The following RAB11FIP4 variants were observed in gnomAD, a reference collection of about 807,000 sequenced individuals.
RAB11FIP4 encodes rab11 family-interacting protein 4.
A neutral mutation model predicts 74.3 loss-of-function variants in RAB11FIP4; 23 were observed. The observed-to-expected ratio is 0.31, with a 90% CI of 0.22 to 0.44. The LOEUF (loss-of-function observed/expected upper bound fraction) is 0.44, where lower values mean the gene tolerates loss of function less well. Ranked by LOEUF, RAB11FIP4 falls within the 20% of genes least tolerant of loss-of-function variation. The pLI is 1.00. For missense variants in RAB11FIP4, 630 were observed against 863.9 expected, an observed-to-expected ratio of 0.73 and a Z score of 3.39; for synonymous variants, 360 against 359.9, an observed-to-expected ratio of 1.00 and a Z score of 0.00.
chr17:31,527,720 C>T (rs1401962428), intron 10 of RAB11FIP4, 122 bp from the exon 11 acceptor site: 2 of 664,584 alleles, frequency 3.0e-6, no homozygotes, highest in Non-Finnish European at 5.2e-6. Context: ...CATATTCTTT[C>T]TCTCAGTTGG....
Position 31,457,325 on chromosome 17 carries a change from C to T in RAB11FIP4, c.336+23203C>T, listed in dbSNP as rs117415743. 7.2e-5 allele frequency among the ~76,000 whole-genome samples: 11 copies of T among 152,136 alleles called. No individual in the cohort carries two copies. The East Asian group carries it at 2.1e-3, about 30-fold the overall frequency. Reference sequence around the variant, plus strand: ...TTTGTTCACTGACGTTGACTGAGGGCCTTTCCAGAGTCAGGAGCTGACCTC... The same window carrying T: ...TTTGTTCACTGACGTTGACTGAGGGTCTTTCCAGAGTCAGGAGCTGACCTC... On this transcript the variant is annotated intron_variant, in intron 3 of 14. Coordinates refer to ENST00000621161, the MANE Select transcript of RAB11FIP4 (RefSeq NM_032932.6).
At chr17:31,470,892 A>G (rs2071730168) in intron 3 of RAB11FIP4, among the ~76,000 whole-genome samples, 1 of 152,246 alleles carries the variant, frequency 6.6e-6, no homozygotes, top group Non-Finnish European at 1.5e-5. Context: ...GGGAGTCATT[A>G]TAGAGGAGAC....
chr17:31,483,090 G>T (rs777341806), intron 3 of RAB11FIP4, among the ~76,000 whole-genome samples: 3 of 151,038 alleles, frequency 2.0e-5, no homozygotes, highest in Non-Finnish European at 4.4e-5. Flanking sequence ...CTACTCAGGA[G>T]GCTGAGGCAG....
intron 3 of RAB11FIP4, among the ~76,000 whole-genome samples, chr17:31,459,016 G>A (rs1292806663): frequency 3.3e-5 from 5 of 152,174 alleles, no homozygotes; most frequent in African/African-American, 1.2e-4. Context: ...TATGGAAATT[G>A]TGCAGTACCC....
chr17:31,402,656 T>C (rs1002659184), intron 1 of RAB11FIP4, among the ~76,000 whole-genome samples: 10 of 149,194 alleles, frequency 6.7e-5, no homozygotes, highest in Middle Eastern at 3.4e-3. Context: ...GAGTCTTGCT[T>C]TGTCGCCCAG....
intron 3 of RAB11FIP4, among the ~76,000 whole-genome samples, chr17:31,444,315 T>C: frequency 6.6e-6 from 1 of 151,752 alleles, no homozygotes; most frequent in East Asian, 1.9e-4. Context: ...TTTCTACTTA[T>C]ATCTGGCCCC....
intron 1 of RAB11FIP4, among the ~76,000 whole-genome samples, chr17:31,410,592 T>C (rs1195956093): frequency 8.6e-5 from 13 of 151,898 alleles, no homozygotes; most frequent in Admixed American, 8.5e-4. Context: ...TGCGCACCTG[T>C]AGTCCCAGCA....
intron 1 of RAB11FIP4, among the ~76,000 whole-genome samples, chr17:31,418,765 G>A (rs1018018222): frequency 2.0e-5 from 3 of 151,914 alleles, no homozygotes; most frequent in Admixed American, 2.0e-4. Context: ...ACCGTGCCCA[G>A]CCAGTTCCCT....
At chr17:31,402,798 T>C (rs2071002316) in intron 1 of RAB11FIP4, among the ~76,000 whole-genome samples, 1 of 151,546 alleles carries the variant, frequency 6.6e-6, no homozygotes, top group Admixed American at 6.6e-5. Flanking sequence ...ATTTTTTTTT[T>C]GTATTTTTAG....
intron 1 of RAB11FIP4, among the ~76,000 whole-genome samples, chr17:31,423,166 G>A (rs574323198): frequency 7.2e-5 from 11 of 152,232 alleles, no homozygotes; most frequent in East Asian, 5.8e-4. Flanking sequence ...TGATCCGCCC[G>A]CCTCTGCCTC....
chr17:31,490,173 G>C (rs2142751164), intron 3 of RAB11FIP4, among the ~76,000 whole-genome samples: 1 of 152,232 alleles, frequency 6.6e-6, no homozygotes, highest in South Asian at 2.1e-4. Context: ...CCGACCATCT[G>C]TGCCACTTCT....
intron 3 of RAB11FIP4, among the ~76,000 whole-genome samples, chr17:31,462,916 G>A (rs146959797): frequency 0.02 from 2,969 of 152,196 alleles, 87 homozygotes; most frequent in African/African-American, 0.061. Flanking sequence ...CATTACAGGC[G>A]TGAGCCACCG....
intron 3 of RAB11FIP4, among the ~76,000 whole-genome samples, chr17:31,483,587 C>T (rs2071872135): frequency 6.6e-6 from 1 of 152,256 alleles, no homozygotes; most frequent in South Asian, 2.1e-4. Context: ...TGGAGCACAT[C>T]TTCCCTTTTG....
At chr17:31,459,210 T>C (rs1300726359) in intron 3 of RAB11FIP4, among the ~76,000 whole-genome samples, 2 of 152,130 alleles carry the variant, frequency 1.3e-5, no homozygotes, top group East Asian at 3.8e-4. Flanking sequence ...CTCAGCCACC[T>C]GTCAGAGAGA....
At chr17:31,434,469 G>C (rs2071340008) in intron 3 of RAB11FIP4, among the ~76,000 whole-genome samples, 1 of 152,146 alleles carries the variant, frequency 6.6e-6, no homozygotes, top group African/African-American at 2.4e-5. Context: ...AACGCTTCCT[G>C]TTTGTTTGTT....
chr17:31,433,390 G>A (rs561523280), intron 2 of RAB11FIP4, among the ~76,000 whole-genome samples: 9 of 152,324 alleles, frequency 5.9e-5, no homozygotes, highest in Admixed American at 1.3e-4. Flanking sequence ...CCAAATACAC[G>A]GTGCAGGGGG....
At chr17:31,394,815 G>A (rs534221487) in intron 1 of RAB11FIP4, among the ~76,000 whole-genome samples, 3 of 151,610 alleles carry the variant, frequency 2.0e-5, no homozygotes, top group East Asian at 1.9e-4. Context: ...GGTGGTTTTC[G>A]GCTTATGCTG....
Position 31,525,194 on chromosome 17 carries a change from G to A in RAB11FIP4, c.1238G>A (p.Arg413Lys), listed in dbSNP as rs775534535. The A allele has an allele frequency of 2.2e-4, 346 of 1,548,764 alleles. No homozygotes were observed. Among genetic ancestry groups the A allele is most frequent in the Non-Finnish European group, 2.9e-4 (336 of 1,146,896 alleles). ...RHREAYGKLEREKATEVELLN... is the reference protein window; with the variant it reads ...RHREAYGKLEKEKATEVELLN... ...CGCGAGGCCTACGGCAAGCTGGAGA[G>A]GGAGAAGGCTACCGAGGTGGAGCTG... The change falls in exon 10 of 15, where the codon AGG becomes AAG. Residue 413 changes from arginine (R) to lysine (K), a missense_variant. Physicochemically the swap from Arg to Lys is conservative, Grantham distance 26. Transcript: ENST00000621161.
chr17:31,431,600 G>T, intron 1 of RAB11FIP4: 1 of 513,218 alleles, frequency 1.9e-6, no homozygotes. Context: ...TCAGGGAGGA[G>T]CCGGTGTTGG....
Sources: allele counts gnomAD v4.1 joint callset (sites outside exome capture counted in the v4.1 genomes callset), GRCh38; gene constraint gnomAD v4.1.1; transcripts MANE v1.5; gene names NCBI Gene and HGNC (gene_info 2026-07-23, HGNC 2026-07-21).